The following KCNIP4 variants were observed in gnomAD, a reference collection of about 807,000 sequenced individuals.
KCNIP4 encodes Kv channel-interacting protein 4.
KCNIP4 carries 12 observed loss-of-function variants against 34.0 expected under a neutral mutation model. The ratio of observed to expected loss-of-function variants is 0.35; its 90% CI spans 0.23 to 0.57. The LOEUF (loss-of-function observed/expected upper bound fraction) is 0.57. Ranked by LOEUF, KCNIP4 falls within the 20% of genes least tolerant of loss-of-function variation. The pLI, the probability that KCNIP4 is intolerant of heterozygous loss-of-function variation, is 0.83. For synonymous variants in KCNIP4, 124 were observed against 102.2 expected (o/e 1.21, Z -1.29); for missense variants, 238 against 311.7 (o/e 0.76, Z 1.78).
chr4:21,771,751 T>G (rs1176465356), intron 1 of KCNIP4, among the ~76,000 whole-genome samples: 1 of 152,174 alleles, frequency 6.6e-6, no homozygotes, highest in Non-Finnish European at 1.5e-5. Flanking sequence ...TGTAAAGGAA[T>G]GCTTGTGATT....
intron 1 of KCNIP4, among the ~76,000 whole-genome samples, chr4:21,087,987 G>T (rs1253449213): frequency 1.3e-5 from 2 of 151,950 alleles, no homozygotes; most frequent in East Asian, 1.9e-4. Flanking sequence ...TGGCTTCATT[G>T]GTCATGCCAC....
intron 1 of KCNIP4, among the ~76,000 whole-genome samples, chr4:20,897,976 T>C (rs1355172256): frequency 6.6e-6 from 1 of 152,120 alleles, no homozygotes; most frequent in Non-Finnish European, 1.5e-5. Flanking sequence ...TTCCAGAAGA[T>C]AGTAGCATTC....
chr4:20,731,700 T>C (rs1748271322), intron 8 of KCNIP4: 4 of 985,188 alleles, frequency 4.1e-6, no homozygotes, highest in Admixed American at 6.2e-5. Context: ...CAAAGAGCAA[T>C]TCAAATCTCA....
At chr4:21,737,936 C>A (rs10002096) in intron 1 of KCNIP4, among the ~76,000 whole-genome samples, 33,492 of 150,226 alleles carry the variant, frequency 0.22, 5,760 homozygotes, top group African/African-American at 0.49. Context: ...CACACACACA[C>A]AAAAAAAATT....
intron 1 of KCNIP4, among the ~76,000 whole-genome samples, chr4:21,486,336 T>C (rs34339769): frequency 0.13 from 19,013 of 152,074 alleles, 1,354 homozygotes; most frequent in South Asian, 0.21. Context: ...GGGACACGGA[T>C]TTAGTAATTC....
At chr4:21,246,858 C>G in intron 1 of KCNIP4, among the ~76,000 whole-genome samples, 1 of 152,196 alleles carries the variant, frequency 6.6e-6, no homozygotes. Flanking sequence ...AGTTAAAATT[C>G]TGTTCATAAG....
intron 1 of KCNIP4, among the ~76,000 whole-genome samples, chr4:21,470,668 G>A (rs771639768): frequency 1.4e-4 from 21 of 152,202 alleles, no homozygotes; most frequent in Admixed American, 1.0e-3. Context: ...AAAATAAAGA[G>A]AGGCACACAG....
rs1761946189 is a variant in KCNIP4 at position 21,268,376 on chromosome 4, C to T, written c.62-385667G>A. On this transcript the variant is annotated intron_variant, in intron 1 of 8. Transcript: ENST00000382152. ...ACTGAAGCACAGAGGCCTTTAATAT[C>T]AAACACAGTGCTCTCAATGTTTATA... 2.0e-5 allele frequency among the ~76,000 whole-genome samples: 3 copies of T among 152,164 alleles called. No homozygotes were observed. The South Asian group carries it at 6.2e-4, about 32-fold the overall frequency.
rs565235990 is a variant in KCNIP4 at position 21,569,994 on chromosome 4, T to A, written c.61+378577A>T. On this transcript the variant is annotated intron_variant, in intron 1 of 8. Coordinates refer to ENST00000382152, the MANE Select transcript of KCNIP4 (RefSeq NM_025221.6). ...CTATGTGGTACTCCCCCCACTCAGG[T>A]AAAGTGACATCAGGGCTAGAAGTGT... Among the ~76,000 whole-genome samples, 9 of 151,968 alleles carry A rather than the reference T, an allele frequency of 5.9e-5. No individual in the cohort carries two copies. In the East Asian group the frequency reaches 1.7e-3, roughly 30 times the overall value.
intron 1 of KCNIP4, among the ~76,000 whole-genome samples, chr4:21,072,886 CATTT>C (rs1745103571): frequency 6.6e-6 from 1 of 152,136 alleles, no homozygotes; most frequent in African/African-American, 2.4e-5. Context: ...TTCCCAGCAC[CATTT>C]ATTAAATAGG....
At chr4:21,781,437 A>G (rs1487991232) in intron 1 of KCNIP4, among the ~76,000 whole-genome samples, 1 of 152,130 alleles carries the variant, frequency 6.6e-6, no homozygotes, top group Non-Finnish European at 1.5e-5. Flanking sequence ...TGCAATGACC[A>G]TATTTCCATT....
Position 21,539,996 on chromosome 4 carries a change from AGAC to A in KCNIP4, c.61+408572_61+408574del, listed in dbSNP as rs1260083228. 6.1e-3 allele frequency among the ~76,000 whole-genome samples: 749 copies of A among 123,176 alleles called. 10 individuals carry two copies. Among genetic ancestry groups the A allele is most frequent in the African/African-American group, 0.02 (709 of 35,168 alleles). 80.8% of individuals were successfully genotyped at this position (123,176 alleles called of 152,430 possible). ...CCTTCTCAAAAACAAACAAACAAAC[AGAC>A]AAAAAAAAAAAAAAAGAATTATTTT... On this transcript the variant is annotated intron_variant, in intron 1 of 8. Transcript: ENST00000382152.
intron 1 of KCNIP4, among the ~76,000 whole-genome samples, chr4:21,258,402 G>A (rs6821700): frequency 0.26 from 38,954 of 151,982 alleles, 8,307 homozygotes; most frequent in African/African-American, 0.58. Flanking sequence ...ATGTATGTAC[G>A]CGTGGAAACC....
At chr4:21,685,695 A>G (rs1382093745) in intron 1 of KCNIP4, among the ~76,000 whole-genome samples, 1 of 152,238 alleles carries the variant, frequency 6.6e-6, no homozygotes, top group Non-Finnish European at 1.5e-5. Context: ...TAACGTGTCT[A>G]TGATCCAAGA....
chr4:21,507,989 G>T (rs1046120004), intron 1 of KCNIP4, among the ~76,000 whole-genome samples: 29 of 152,080 alleles, frequency 1.9e-4, no homozygotes, highest in African/African-American at 7.0e-4. Flanking sequence ...TCCCCAGAAG[G>T]CTTAGGGTGT....
intron 1 of KCNIP4, among the ~76,000 whole-genome samples, chr4:21,534,797 C>T (rs529282243): frequency 2.0e-5 from 3 of 152,186 alleles, no homozygotes; most frequent in South Asian, 4.1e-4. Context: ...TAGCCCAGTG[C>T]CTGCAGGGGA....
rs76272612 is a variant in KCNIP4, at chr4:21,619,344, A to C, written c.61+329227T>G. Among the ~76,000 whole-genome samples the C allele has an allele frequency of 4.5e-3, 686 of 152,376 alleles. 3 individuals carry two copies. The highest frequency in any genetic ancestry group is 0.014 in the Middle Eastern group (4 of 294). ...TGAATGTAGAAATAGCTTTTTAAAA[A>C]ATTAGTGCTTGATTAAGCAAATATT... is the stretch of plus-strand genomic sequence containing the variant. On this transcript the variant is annotated intron_variant, in intron 1 of 8. Transcript: ENST00000382152.
chr4:20,856,577 A>G (rs1475199431), intron 2 of KCNIP4, among the ~76,000 whole-genome samples: 1 of 152,190 alleles, frequency 6.6e-6, no homozygotes, highest in Non-Finnish European at 1.5e-5. Context: ...TGAACCTAAC[A>G]GGAAGTCTGA....
intron 1 of KCNIP4, among the ~76,000 whole-genome samples, chr4:20,948,389 C>T (rs1371126792): frequency 2.0e-5 from 3 of 152,184 alleles, no homozygotes; most frequent in Non-Finnish European, 4.4e-5. Context: ...GAGTCAAATA[C>T]CAGGCTGGAC....
Sources: allele counts gnomAD v4.1 joint callset (sites outside exome capture counted in the v4.1 genomes callset), GRCh38; gene constraint gnomAD v4.1.1; transcripts MANE v1.5; gene names NCBI Gene and HGNC (gene_info 2026-07-23, HGNC 2026-07-21).